PCDHA2: variants seen among roughly 807,000 people sequenced by gnomAD.
PCDHA2 encodes protocadherin alpha 2.
In PCDHA2, 58 loss-of-function variants were observed where a neutral mutation model predicts 66.0. That is an observed-to-expected ratio of 0.88 (90% CI 0.71 to 1.09). The LOEUF is 1.09. PCDHA2 is among the 50% of genes least tolerant of loss of function. The pLI is 0.00. For synonymous variants in PCDHA2, 634 were observed against 554.0 expected, an observed-to-expected ratio of 1.14 and a Z score of -2.03; for missense variants, 1,267 against 1,242.3, an observed-to-expected ratio of 1.02 and a Z score of -0.30.
At chr5:140,842,129 G>A (rs1181203703) in intron 1 of PCDHA2, 2 of 1,613,748 alleles carry the variant, frequency 1.2e-6, no homozygotes, top group Non-Finnish European at 1.7e-6. Context: ...TTCTGATCCG[G>A]ATGAAGGAGC....
chr5:141,003,511 C>T (rs2098128112), intron 3 of PCDHA2, among the ~76,000 whole-genome samples: 2 of 152,114 alleles, frequency 1.3e-5, no homozygotes, highest in African/African-American at 4.8e-5. Flanking sequence ...TGGGGTTTCA[C>T]CATGTTCCCT....
chr5:140,986,355 T>C (rs1381730343), intron 3 of PCDHA2, among the ~76,000 whole-genome samples: 3 of 152,154 alleles, frequency 2.0e-5, no homozygotes, highest in African/African-American at 7.2e-5. Context: ...CTTCTTCAGA[T>C]GGAGGAATGC....
At chr5:140,949,816 A>G (rs1223140568) in intron 1 of PCDHA2, among the ~76,000 whole-genome samples, 2 of 151,532 alleles carry the variant, frequency 1.3e-5, no homozygotes, top group African/African-American at 4.8e-5. Context: ...TTTGCTTTCT[A>G]TTTGTCCCCT....
At position 140,842,490 on chromosome 5, in the gene PCDHA2, T is replaced by C. The variant is rs2150337276; in HGVS notation, c.2388+45138T>C. The C allele has an allele frequency of 9.9e-6, 16 of 1,613,892 alleles. No homozygotes were observed. In the South Asian group the frequency reaches 1.6e-4, roughly 17 times the overall value. On this transcript the variant is annotated intron_variant, in intron 1 of 3. Transcript: ENST00000526136. ...AACGGGCAGGTGACCTGCTCCCTGA[T>C]GCCCCATGTCCCCTTCAAGCTGGTG... is the stretch of plus-strand genomic sequence containing the variant.
At chr5:140,959,407 G>A (rs1449444307) in intron 1 of PCDHA2, among the ~76,000 whole-genome samples, 3 of 152,052 alleles carry the variant, frequency 2.0e-5, no homozygotes, top group African/African-American at 7.2e-5. Flanking sequence ...ATAAAGTGTT[G>A]ATTGATCTGA....
chr5:140,923,461 A>G (rs530510417), intron 1 of PCDHA2, among the ~76,000 whole-genome samples: 97 of 152,204 alleles, frequency 6.4e-4, no homozygotes, highest in African/African-American at 2.2e-3. Context: ...CCAGAGAGGT[A>G]GGGGCTGCAG....
intron 1 of PCDHA2, chr5:140,926,752 C>T (rs1176032200): frequency 8.0e-7 from 1 of 1,254,344 alleles, no homozygotes; most frequent in Admixed American, 3.6e-5. Context: ...CGTCGGCGGT[C>T]GCTGAGTATC....
chr5:140,995,901 A>C (rs2097702550), intron 3 of PCDHA2, among the ~76,000 whole-genome samples: 3 of 152,212 alleles, frequency 2.0e-5, no homozygotes, highest in Non-Finnish European at 1.5e-5. Flanking sequence ...CAATGTATAA[A>C]AGAGGAGAGA....
intron 1 of PCDHA2, chr5:140,884,108 G>T: frequency 1.9e-6 from 3 of 1,613,402 alleles, no homozygotes; most frequent in Non-Finnish European, 2.5e-6. Context: ...ATTGCAGCTG[G>T]CGGCGGTCGG....
Position 140,796,317 on chromosome 5 carries a change from C to T in PCDHA2, c.1353C>T (p.Asn451=), listed in dbSNP as rs376199248. 5.6e-6 allele frequency: 9 copies of T among 1,613,988 alleles called. No individual in the cohort carries two copies. The African/African-American group carries it at 1.1e-4, about 19-fold the overall frequency. Residue 451 remains asparagine, a synonymous_variant, in exon 1 of 4, where the codon AAC becomes AAT. Transcript: ENST00000526136. ...TCGAGGTGGCCGACGTGAACGACAA[C>T]GCGCCGGCGTTCGCACAGCCTGAGT... The part of the protein sequence containing the change: ...VSIEVADVND[N]APAFAQPEYT...
rs1246162498 is a variant in PCDHA2, at chr5:140,856,839, A to G, written c.2388+59487A>G. ...AACCAAACATTAGTAATACGGCTCA[A>G]CGCTTCTGATTCGGATGAAGGAATA... is the stretch of plus-strand genomic sequence containing the variant. On this transcript the variant is annotated intron_variant, in intron 1 of 3. Coordinates refer to ENST00000526136, the MANE Select transcript of PCDHA2 (RefSeq NM_018905.3). 1.3e-6 allele frequency: 2 copies of G among 1,592,670 alleles called. No homozygotes were observed. The highest frequency in any genetic ancestry group is 1.3e-5 in the African/African-American group (1 of 74,342).
At chr5:140,972,540 T>C (rs1375467339) in intron 1 of PCDHA2, among the ~76,000 whole-genome samples, 1 of 152,148 alleles carries the variant, frequency 6.6e-6, no homozygotes, top group East Asian at 1.9e-4. Context: ...AAATCACTTG[T>C]GCAGTGAGGA....
Position 140,900,863 on chromosome 5 carries a change from G to A in PCDHA2, c.2389-78086G>A, listed in dbSNP as rs116648446. 4.1e-3 allele frequency among the ~76,000 whole-genome samples: 626 copies of A among 152,044 alleles called. 2 individuals are homozygous for A. Among genetic ancestry groups the A allele is most frequent in the African/African-American group, 0.014 (595 of 41,452 alleles). Reference sequence around the variant, plus strand: ...AGTTTCCCTTTTTTTCACCTCTCCAGCATTTTTTATTGCCTGTCATTTGGA... The same window carrying A: ...AGTTTCCCTTTTTTTCACCTCTCCAACATTTTTTATTGCCTGTCATTTGGA... On this transcript the variant is annotated intron_variant, in intron 1 of 3. Transcript: ENST00000526136.
At chr5:140,849,477 C>T in intron 1 of PCDHA2, 1 of 1,590,036 alleles carries the variant, frequency 6.3e-7, no homozygotes, top group Middle Eastern at 1.7e-4. Context: ...TAAAGGCTTC[C>T]CACCCCTGGC....
intron 3 of PCDHA2, among the ~76,000 whole-genome samples, chr5:140,988,382 T>C (rs2097295449): frequency 6.6e-6 from 1 of 152,148 alleles, no homozygotes; most frequent in African/African-American, 2.4e-5. Flanking sequence ...TGAAACTCAT[T>C]GTGTTTGCCA....
chr5:140,870,083 C>G, intron 1 of PCDHA2: 1 of 1,613,848 alleles, frequency 6.2e-7, no homozygotes, highest in Admixed American at 1.7e-5. Flanking sequence ...AAGGGGACTC[C>G]CCCAATGGCA....
At chr5:140,822,673 G>T in intron 1 of PCDHA2, 1 of 1,608,644 alleles carries the variant, frequency 6.2e-7, no homozygotes, top group East Asian at 2.2e-5. Flanking sequence ...TAATACTGGT[G>T]AAATAAAAGT....
Position 140,796,432 on chromosome 5 carries a change from G to GT in PCDHA2, c.1469dup (p.Ser491ValfsTer79), listed in dbSNP as rs1282378976. 3 of 1,613,550 alleles carry GT rather than the reference G, an allele frequency of 1.9e-6. No individual in the cohort carries two copies. The African/African-American group carries it at 4.0e-5, about 22-fold the overall frequency. ...TGCGGACGCGCAGGAGAACGCGCTG[G>GT]TGTCCTACTCGCTGGTGGAGCGGCG... is the stretch of plus-strand genomic sequence containing the variant. On this transcript the variant is annotated frameshift_variant, in exon 1 of 4. Coordinates refer to ENST00000526136, the MANE Select transcript of PCDHA2 (RefSeq NM_018905.3). LOFTEE classifies it high-confidence loss of function.
intron 1 of PCDHA2, chr5:140,801,760 A>C: frequency 6.2e-7 from 1 of 1,614,000 alleles, no homozygotes; most frequent in South Asian, 1.1e-5. Flanking sequence ...AATGATGAGG[A>C]AATTAAATCC....
Sources: allele counts gnomAD v4.1 joint callset (sites outside exome capture counted in the v4.1 genomes callset), GRCh38; gene constraint gnomAD v4.1.1; transcripts MANE v1.5; gene names NCBI Gene and HGNC (gene_info 2026-07-23, HGNC 2026-07-21).